Variants in CNIH3 observed in about 807,000 individuals in gnomAD.
The protein encoded by CNIH3 is cornichon family AMPA receptor auxiliary protein 3, also known as protein cornichon homolog 3.
A neutral mutation model predicts 24.1 loss-of-function variants in CNIH3; 14 were observed. The observed-to-expected ratio is 0.58, with a 90% confidence interval of 0.38 to 0.91. CNIH3 has a LOEUF of 0.91. Ranked by LOEUF, CNIH3 falls within the 40% of genes least tolerant of loss-of-function variation. The pLI is 0.00. For synonymous variants in CNIH3, 68 were observed against 73.8 expected (o/e 0.92, Z 0.40); for missense variants, 178 against 196.8 (o/e 0.90, Z 0.57).
chr1:224,685,051 A>G (rs1210390705), intron 3 of CNIH3, among the ~76,000 whole-genome samples: 4 of 152,182 alleles, frequency 2.6e-5, no homozygotes, highest in Non-Finnish European at 5.9e-5. Context: ...GTGGCCATCA[A>G]TCAAAGTGTC....
intron 1 of CNIH3, among the ~76,000 whole-genome samples, chr1:224,462,637 ATTTTTTT>A (rs34550181): frequency 2.5e-5 from 3 of 119,426 alleles, no homozygotes; most frequent in Non-Finnish European, 5.0e-5. Flanking sequence ...TCTGGACCCA[ATTTTTTT>A]TTTTTTTTTT....
intron 1 of CNIH3, among the ~76,000 whole-genome samples, chr1:224,503,892 G>A (rs1572374941): frequency 1.3e-5 from 2 of 152,242 alleles, no homozygotes; most frequent in African/African-American, 4.8e-5. Context: ...GCCTCTGGCC[G>A]CTCCAGGAGG....
At chr1:224,723,111 G>T (rs149056669) in intron 3 of CNIH3, among the ~76,000 whole-genome samples, 4 of 152,274 alleles carry the variant, frequency 2.6e-5, no homozygotes, top group African/African-American at 9.6e-5. Context: ...CTGGAAGCTG[G>T]TCCCCAACGA....
chr1:224,612,748 C>A (rs916678019), upstream of CNIH3, among the ~76,000 whole-genome samples: 1 of 152,092 alleles, frequency 6.6e-6, no homozygotes, highest in East Asian at 1.9e-4. The surrounding 1 kb of genome is among the most constrained non-coding windows in gnomAD (Gnocchi z 4.7). Context: ...CAGTAAAAAT[C>A]TACTAGATGG....
At chr1:224,466,731 G>C (rs1334057920) in intron 1 of CNIH3, among the ~76,000 whole-genome samples, 2 of 152,204 alleles carry the variant, frequency 1.3e-5, no homozygotes, top group Non-Finnish European at 2.9e-5. Flanking sequence ...CCATGTAAGA[G>C]TGATCCAGTT....
downstream of CNIH3, among the ~76,000 whole-genome samples, chr1:224,539,878 A>G (rs1409900585): frequency 6.6e-6 from 1 of 152,168 alleles, no homozygotes; most frequent in Non-Finnish European, 1.5e-5. Context: ...GAGAAGTACT[A>G]TATGCTTTAT....
chr1:224,564,572 T>C (rs1264832223), intron 3 of CNIH3, among the ~76,000 whole-genome samples: 1 of 152,246 alleles, frequency 6.6e-6, no homozygotes, highest in African/African-American at 2.4e-5. Context: ...TTGAAGAGGA[T>C]GAGAAATCAC....
chr1:224,523,468 T>C (rs1014186111), intron 2 of CNIH3, among the ~76,000 whole-genome samples: 1 of 152,196 alleles, frequency 6.6e-6, no homozygotes, highest in Non-Finnish European at 1.5e-5. Context: ...GAGTCTCATT[T>C]ATGTAAGACT....
chr1:224,656,016 C>G (rs749044209), intron 1 of CNIH3, among the ~76,000 whole-genome samples: 10 of 152,138 alleles, frequency 6.6e-5, no homozygotes, highest in Non-Finnish European at 7.3e-5. Flanking sequence ...CATGTTAAGA[C>G]CCGGGAGTGT....
intron 1 of CNIH3, among the ~76,000 whole-genome samples, chr1:224,629,553 A>G (rs1373908649): frequency 1.3e-5 from 2 of 152,080 alleles, no homozygotes; most frequent in East Asian, 1.9e-4. Flanking sequence ...GTCGACGAAC[A>G]CTGGGTTGCT....
chr1:224,506,575 A>G (rs903046264), intron 1 of CNIH3, among the ~76,000 whole-genome samples: 4 of 152,180 alleles, frequency 2.6e-5, no homozygotes, highest in Admixed American at 6.5e-5. Context: ...CTGAGATTGC[A>G]TCGTCCCTGT....
Position 224,597,177 on chromosome 1 carries a change from A to AC in CNIH3, n.402+30913_402+30914insC, listed in dbSNP as rs199656725. Reference sequence around the variant, plus strand: ...CAAAAACAAACAAACAAACAAACAAAAAAAAAAACAAAAACCAAACCAAAC... The same window carrying AC: ...CAAAAACAAACAAACAAACAAACAAACAAAAAAAACAAAAACCAAACCAAAC... On this transcript the variant is annotated intron_variant and non_coding_transcript_variant, in intron 3 of 7. Transcript: ENST00000478120. 2.6e-3 allele frequency among the ~76,000 whole-genome samples: 379 copies of AC among 143,888 alleles called. 9 individuals are homozygous for AC. In the East Asian group the frequency reaches 0.048, roughly 18 times the overall value. The allele number at this position is 143,888 out of a possible 152,430, so 94.4% of individuals were successfully genotyped here.
intron 1 of CNIH3, among the ~76,000 whole-genome samples, chr1:224,471,746 T>C (rs1247552275): frequency 1.3e-5 from 2 of 152,046 alleles, no homozygotes; most frequent in Non-Finnish European, 2.9e-5. Flanking sequence ...CCTGCCACCA[T>C]GCCTGGCTAA....
intron 3 of CNIH3, among the ~76,000 whole-genome samples, chr1:224,691,154 A>C (rs903526195): frequency 1.3e-5 from 2 of 152,238 alleles, no homozygotes; most frequent in Non-Finnish European, 2.9e-5. Context: ...GACTGTCTAC[A>C]TAATTGGCAG....
intron 2 of CNIH3, among the ~76,000 whole-genome samples, chr1:224,528,684 C>T (rs1415575347): frequency 6.6e-6 from 1 of 151,944 alleles, no homozygotes; most frequent in Admixed American, 6.6e-5. Context: ...GGTTTTCTTC[C>T]TTTGTATTTT....
intron 1 of CNIH3, among the ~76,000 whole-genome samples, chr1:224,622,449 G>A (rs1025647847): frequency 7.9e-5 from 12 of 152,144 alleles, no homozygotes; most frequent in Middle Eastern, 3.4e-3. Context: ...CATTGTTTGC[G>A]TTGCTTGCCG....
At chr1:224,601,676 C>T (rs1682216426) in intron 3 of CNIH3, among the ~76,000 whole-genome samples, 1 of 152,166 alleles carries the variant, frequency 6.6e-6, no homozygotes, top group African/African-American at 2.4e-5. Flanking sequence ...TTTCACAGTA[C>T]CTAGATAGTG....
At chr1:224,725,234 G>C (rs796494373) in intron 3 of CNIH3, among the ~76,000 whole-genome samples, 3 of 152,228 alleles carry the variant, frequency 2.0e-5, no homozygotes, top group East Asian at 3.9e-4. Context: ...TGATAATAAT[G>C]ATCACAACAC....
At chr1:224,501,316 G>C (rs1011060583) in intron 1 of CNIH3, among the ~76,000 whole-genome samples, 1 of 151,840 alleles carries the variant, frequency 6.6e-6, no homozygotes, top group Admixed American at 6.6e-5. Context: ...GAGCTTACTG[G>C]GTGAAAGGCA....
Sources: gnomAD v4.1 joint callset for allele counts (sites outside exome capture counted in the v4.1 genomes callset) on GRCh38, gnomAD v4.1.1 for gene constraint, Gnocchi (gnomAD v3.1) non-coding constraint, MANE v1.5 for transcripts, NCBI Gene and HGNC (gene_info 2026-07-23, HGNC 2026-07-21) for gene names.